GNG12: variants seen among roughly 807,000 people sequenced by gnomAD.
GNG12 encodes the protein G protein subunit gamma 12, also known as guanine nucleotide-binding protein G(I)/G(S)/G(O) subunit gamma-12.
For synonymous variants in GNG12, 28 were observed against 29.7 expected (o/e 0.94, Z 0.19); for missense variants, 69 against 83.8 (o/e 0.82, Z 0.69).
At chr1:67,826,440 T>C (rs1647011281) in intron 1 of GNG12, among the ~76,000 whole-genome samples, 2 of 152,214 alleles carry the variant, frequency 1.3e-5, no homozygotes, top group South Asian at 2.1e-4. Flanking sequence ...GGTATCCCTG[T>C]CAAGAAGTCA....
intron 2 of GNG12, among the ~76,000 whole-genome samples, chr1:67,740,122 TATTAC>T (rs1646474427): frequency 6.6e-6 from 1 of 152,222 alleles, no homozygotes; most frequent in African/African-American, 2.4e-5. Context: ...ATGTTTAGGA[TATTAC>T]ATTAAGTAAA....
intron 1 of GNG12, among the ~76,000 whole-genome samples, chr1:67,820,225 C>G (rs1471798561): frequency 6.6e-6 from 1 of 152,026 alleles, no homozygotes; most frequent in African/African-American, 2.4e-5. Flanking sequence ...TCTGTCTCTA[C>G]TAAAAATACA....
intron 2 of GNG12, among the ~76,000 whole-genome samples, chr1:67,711,738 C>T (rs1467532834): frequency 6.6e-6 from 1 of 152,174 alleles, no homozygotes. Flanking sequence ...GAGAATGCCT[C>T]TGCCTACATC....
At chr1:67,779,213 C>CT (rs1054598305) in intron 1 of GNG12, among the ~76,000 whole-genome samples, 3 of 152,168 alleles carry the variant, frequency 2.0e-5, no homozygotes, top group African/African-American at 7.2e-5. Context: ...GAAAACACAT[C>CT]TTTTTCACTT....
intron 1 of GNG12, among the ~76,000 whole-genome samples, chr1:67,795,238 G>A (rs1327774787): frequency 3.9e-5 from 6 of 152,086 alleles, no homozygotes; most frequent in Admixed American, 6.5e-5. Context: ...CCTGCCATCC[G>A]CAGTTAGTTA....
At chr1:67,751,174 T>TACACATACAG (rs1646536655) in intron 2 of GNG12, among the ~76,000 whole-genome samples, 1 of 137,654 alleles carries the variant, frequency 7.3e-6, no homozygotes, top group African/African-American at 3.2e-5. Flanking sequence ...TTTACATGGA[T>TACACATACAG]ACACATACAG....
At chr1:67,827,251 G>A (rs1316137143) in intron 1 of GNG12, among the ~76,000 whole-genome samples, 1 of 152,128 alleles carries the variant, frequency 6.6e-6, no homozygotes, top group Non-Finnish European at 1.5e-5. Flanking sequence ...GTGTCAGAAA[G>A]CATACAGAAT....
At chr1:67,755,171 G>T (rs1181785863) in intron 2 of GNG12, among the ~76,000 whole-genome samples, 1 of 152,272 alleles carries the variant, frequency 6.6e-6, no homozygotes, top group African/African-American at 2.4e-5. Flanking sequence ...GCTTGCTGAT[G>T]CTCTGAGGAT....
intron 2 of GNG12, among the ~76,000 whole-genome samples, chr1:67,762,033 C>A (rs1160249301): frequency 6.6e-6 from 1 of 152,194 alleles, no homozygotes; most frequent in African/African-American, 2.4e-5. Flanking sequence ...CAGAATGATA[C>A]TCCAGTGGGT....
rs1258116215 is a variant in GNG12 at position 67,704,006 on chromosome 1, T to C, written c.*1445A>G. 1 of 152,258 alleles carries C rather than the reference T, an allele frequency of 6.6e-6. No individual in the cohort carries two copies. Among genetic ancestry groups the C allele is most frequent in the East Asian group, 1.9e-4 (1 of 5,202 alleles). The allele number at this position is 152,258 out of a possible 1,614,324, so 9.4% of individuals were successfully genotyped here. On this transcript the variant is annotated 3_prime_UTR_variant, in exon 4 of 4. Coordinates refer to ENST00000370982, the MANE Select transcript of GNG12 (RefSeq NM_018841.6). Reference sequence around the variant, plus strand: ...AAGAATTAAAGCATCAAAGGCCTAGTGTATGATTTGACTCCGAAGTGACCC... The same window carrying C: ...AAGAATTAAAGCATCAAAGGCCTAGCGTATGATTTGACTCCGAAGTGACCC...
At chr1:67,768,015 G>A (rs1158140251) in intron 2 of GNG12, among the ~76,000 whole-genome samples, 1 of 152,194 alleles carries the variant, frequency 6.6e-6, no homozygotes, top group African/African-American at 2.4e-5. Flanking sequence ...AGGCTCAAGG[G>A]AATCCTTGGC....
intron 2 of GNG12, among the ~76,000 whole-genome samples, chr1:67,770,621 G>T (rs1322304256): frequency 6.6e-6 from 1 of 152,178 alleles, no homozygotes; most frequent in Non-Finnish European, 1.5e-5. Context: ...GGCAACAGCA[G>T]CAGGAGGAGA....
chr1:67,777,586 T>C (rs1024880271), intron 1 of GNG12, 79 bp from the exon 2 acceptor site: 16 of 195,346 alleles, frequency 8.2e-5, no homozygotes, highest in Non-Finnish European at 1.3e-4. Flanking sequence ...GTGACTGCCA[T>C]AACGTTGAGC....
rs556904496 is a variant in GNG12, at chr1:67,766,782, T to C, written c.-27+10676A>G. 1.1e-4 allele frequency among the ~76,000 whole-genome samples: 17 copies of C among 152,172 alleles called. No individual in the cohort carries two copies. In the East Asian group the frequency reaches 2.7e-3, roughly 24 times the overall value. On this transcript the variant is annotated intron_variant, in intron 2 of 3. Transcript: ENST00000370982. ...CTCCCTTCCTGCACAAACGGGGCCCTTTCTACCCTGAGGATGGCATCTGGT... is the reference window on the plus strand; with the variant it reads ...CTCCCTTCCTGCACAAACGGGGCCCCTTCTACCCTGAGGATGGCATCTGGT...
At chr1:67,724,323 C>T (rs1476702098) in intron 2 of GNG12, among the ~76,000 whole-genome samples, 4 of 152,178 alleles carry the variant, frequency 2.6e-5, no homozygotes, top group Admixed American at 2.0e-4. Context: ...ACTGCTCATA[C>T]AATACAGGTG....
chr1:67,757,512 C>G (rs1295834062), intron 2 of GNG12, among the ~76,000 whole-genome samples: 1 of 152,180 alleles, frequency 6.6e-6, no homozygotes, highest in Non-Finnish European at 1.5e-5. Flanking sequence ...CAACCTGCTT[C>G]CAGCTGCATA....
intron 1 of GNG12, among the ~76,000 whole-genome samples, chr1:67,810,121 C>T (rs1646915307): frequency 6.6e-6 from 1 of 152,062 alleles, no homozygotes; most frequent in Non-Finnish European, 1.5e-5. Flanking sequence ...TTAAAAGACA[C>T]AGAGGAAACT....
Position 67,766,106 on chromosome 1 carries a change from G to A in GNG12, c.-27+11352C>T, listed in dbSNP as rs1849187. ...AACTCAAACAAAACAAGGCACACAC[G>A]CACACACACACACACACACACACAC... On this transcript the variant is annotated intron_variant, in intron 2 of 3. Coordinates refer to ENST00000370982, the MANE Select transcript of GNG12 (RefSeq NM_018841.6). Among the ~76,000 whole-genome samples, 908 of 139,874 alleles carry A rather than the reference G, an allele frequency of 6.5e-3. 7 individuals carry two copies. Among genetic ancestry groups the A allele is most frequent in the African/African-American group, 0.019 (683 of 36,810 alleles). The allele number at this position is 139,874 out of a possible 152,430, so 91.8% of individuals were successfully genotyped here.
intron 2 of GNG12, among the ~76,000 whole-genome samples, chr1:67,717,778 G>T (rs1192705437): frequency 6.6e-6 from 1 of 152,084 alleles, no homozygotes; most frequent in Non-Finnish European, 1.5e-5. Flanking sequence ...TATTCCTTTG[G>T]TACAGCTCTC....
Sources: allele counts gnomAD v4.1 joint callset (sites outside exome capture counted in the v4.1 genomes callset), GRCh38; gene constraint gnomAD v4.1.1; transcripts MANE v1.5; gene names NCBI Gene and HGNC (gene_info 2026-07-23, HGNC 2026-07-21).